Variants in TAF12 observed in about 807,000 individuals in gnomAD.
The protein encoded by TAF12 is transcription initiation factor TFIID subunit 12.
A neutral mutation model predicts 20.8 loss-of-function variants in TAF12; 3 were observed. The observed-to-expected ratio is 0.14, with a 90% CI of 0.07 to 0.37. TAF12 has a LOEUF of 0.37. Among genes scored for constraint, TAF12 ranks in the 10% least tolerant of loss-of-function variants. TAF12 has a pLI of 1.00. For synonymous variants in TAF12, 69 were observed against 70.2 expected (o/e 0.98, Z 0.09); for missense variants, 131 against 197.9 (o/e 0.66, Z 2.03).
intron 1 of TAF12, chr1:28,624,025 A>AG: frequency 1.0e-6 from 1 of 985,832 alleles, no homozygotes; most frequent in Non-Finnish European, 1.2e-6. Context: ...CATTTTCAAA[A>AG]GCTACCTGTA....
At chr1:28,645,443 A>G (rs1325597401), upstream of TAF12, among the ~76,000 whole-genome samples, 1 of 146,292 alleles carries the variant, frequency 6.8e-6, no homozygotes, top group Non-Finnish European at 1.5e-5. Context: ...AGGTCAGGAG[A>G]TAGAGATCAT....
chr1:28,632,707 C>T (rs917859845), intron 1 of TAF12, among the ~76,000 whole-genome samples: 1 of 151,750 alleles, frequency 6.6e-6, no homozygotes, highest in African/African-American at 2.4e-5. Context: ...GGCAGAGGAG[C>T]GTTTGACTAC....
At chr1:28,617,869 T>C in intron 3 of TAF12, 84 bp downstream of exon 3, 1 of 1,322,692 alleles carries the variant, frequency 7.6e-7, no homozygotes, top group Non-Finnish European at 1.1e-6. Flanking sequence ...CATGAGCCAC[T>C]GCATCTGGCC....
rs150119847 is a variant in TAF12, at chr1:28,618,022, G to C, written c.177C>G (p.Thr59=). ...RLSPENNQVL[T]KKKLQDLVRE... Reference sequence around the variant, plus strand: ...TTACTAAGTCCTGTAATTTCTTCTTGGTCAATACCTAAAGTTAATTGGAAG... The same window carrying C: ...TTACTAAGTCCTGTAATTTCTTCTTCGTCAATACCTAAAGTTAATTGGAAG... Residue 59 remains threonine (T), a synonymous_variant, in exon 3 of 6, where the codon ACC becomes ACG. Transcript: ENST00000373824. The C allele has an allele frequency of 1.8e-4, 283 of 1,612,602 alleles. No individual in the cohort carries two copies. The highest frequency in any genetic ancestry group is 2.3e-4 in the Non-Finnish European group (275 of 1,179,418).
At chr1:28,645,562 C>T (rs1410536384), upstream of TAF12, among the ~76,000 whole-genome samples, 4 of 151,878 alleles carry the variant, frequency 2.6e-5, no homozygotes, top group East Asian at 7.9e-4. Flanking sequence ...GAAGGAGAAT[C>T]GCTGGAACCC....
intron 4 of TAF12, among the ~76,000 whole-genome samples, chr1:28,610,103 G>C (rs1352063643): frequency 4.0e-5 from 6 of 151,254 alleles, no homozygotes; most frequent in Admixed American, 3.3e-4. Context: ...TCAGACTCCC[G>C]AGTAGCTAGG....
At position 28,609,979 on chromosome 1, in the gene TAF12, AT is replaced by A. The variant is rs962267398; in HGVS notation, c.361+3267del. On this transcript the variant is annotated intron_variant, in intron 4 of 5. Transcript: ENST00000373824. ...CTATGAATTTGTGTTGTGGGGGATT[AT>A]TTTTTTTTTCTTTTTTTTGGGACGG... Among the ~76,000 whole-genome samples the A allele has an allele frequency of 4.2e-3, 625 of 147,322 alleles. 3 individuals are homozygous for A. Among genetic ancestry groups the A allele is most frequent in the African/African-American group, 0.014 (563 of 40,188 alleles).
chr1:28,648,234 T>C (rs1668249329), exon 1 of TAF12: 4 of 984,442 alleles, frequency 4.1e-6, no homozygotes, highest in East Asian at 1.1e-4. Flanking sequence ...TCCAACGCCA[T>C]GAGACGCCTT....
chr1:28,621,976 C>A lies in TAF12; in HGVS notation c.106G>T (p.Ala36Ser), dbSNP rs1371295772. ...GGAGTGCCTGGTATCTTTACCACTG[C>A]AGTACTATTGGCCATGGAGCCTTGT... ...PPQGSMANST[A>S]VVKIPGTPGA... The change falls in exon 2 of 6, where the codon GCA (alanine) becomes TCA (serine). Residue 36 changes from alanine (A) to serine (S), a missense_variant. Physicochemically the swap from Ala to Ser is moderately conservative, Grantham distance 99 (BLOSUM62 1). Transcript: ENST00000373824. 1 of 1,614,038 alleles carries A rather than the reference C, an allele frequency of 6.2e-7. No homozygotes were observed. The highest frequency in any genetic ancestry group is 1.1e-5 in the South Asian group (1 of 91,064).
chr1:28,645,356 T>A (rs1002783857), upstream of TAF12, among the ~76,000 whole-genome samples: 1 of 150,010 alleles, frequency 6.7e-6, no homozygotes, highest in Non-Finnish European at 1.5e-5. Context: ...TTTTTTTTCT[T>A]TAAGAGATAA....
chr1:28,633,861 G>A (rs1252239003), intron 1 of TAF12, among the ~76,000 whole-genome samples: 1 of 148,482 alleles, frequency 6.7e-6, no homozygotes, highest in African/African-American at 2.5e-5. Context: ...CCGGTGAGCC[G>A]AGATTGTGCC....
intron 1 of TAF12, among the ~76,000 whole-genome samples, chr1:28,630,383 G>A (rs759502475): frequency 1.8e-4 from 28 of 151,758 alleles, no homozygotes; most frequent in Admixed American, 8.5e-4. Flanking sequence ...GGTGAAACCC[G>A]TCTCTACTAA....
rs536479244 is a variant in TAF12 at position 28,621,985 on chromosome 1, T to G, written c.97A>C (p.Asn33His). 1 of 1,614,148 alleles carries G rather than the reference T, an allele frequency of 6.2e-7. No homozygotes were observed. The highest frequency in any genetic ancestry group is 1.1e-5 in the South Asian group (1 of 91,080). Residue 33 changes from asparagine (N) to histidine (H), a missense_variant, in exon 2 of 6, where the codon AAT becomes CAT. Physicochemically the swap from Asn to His is moderately conservative, Grantham distance 68. Coordinates refer to ENST00000373824, the MANE Select transcript of TAF12 (RefSeq NM_005644.4). Reference protein sequence around the residue: ...ASTPPQGSMANSTAVVKIPGT... With the variant: ...ASTPPQGSMAHSTAVVKIPGT... ...GGTATCTTTACCACTGCAGTACTAT[T>G]GGCCATGGAGCCTTGTGGAGGGGTG...
At chr1:28,616,979 G>A (rs575484756) in intron 3 of TAF12, among the ~76,000 whole-genome samples, 1 of 151,952 alleles carries the variant, frequency 6.6e-6, no homozygotes, top group Non-Finnish European at 1.5e-5. Context: ...AATTAGCCAG[G>A]TGTGGTGGTG....
At chr1:28,643,109 C>G (rs1396513158), upstream of TAF12, 1 of 985,838 alleles carries the variant, frequency 1.0e-6, no homozygotes, top group East Asian at 1.1e-4. Context: ...CTCCCCGCCT[C>G]CAACCCGGAA....
chr1:28,637,076 T>A (rs1235571217), intron 1 of TAF12, among the ~76,000 whole-genome samples: 1 of 152,114 alleles, frequency 6.6e-6, no homozygotes, highest in Non-Finnish European at 1.5e-5. Context: ...TCTGTATGAC[T>A]TCAGAGATTA....
At chr1:28,613,574 C>T (rs1666934657) in intron 3 of TAF12, among the ~76,000 whole-genome samples, 4 of 152,236 alleles carry the variant, frequency 2.6e-5, no homozygotes, top group Admixed American at 2.6e-4. Context: ...TGAGCATATA[C>T]TTTCTACCCA....
chr1:28,622,149 G>A lies in TAF12; in HGVS notation c.-68C>T. ...ATCCTGTTTCTTTTTGGAGCTGTGA[G>A]GACCAAGGCCAATTAACTGGAGAAG... On this transcript the variant is annotated 5_prime_UTR_variant, in exon 2 of 6. Transcript: ENST00000373824. 6.5e-7 allele frequency: 1 copy of A among 1,528,454 alleles called. No individual in the cohort carries two copies. The highest frequency in any genetic ancestry group is 8.7e-7 in the Non-Finnish European group (1 of 1,144,544). The allele number at this position is 1,528,454 out of a possible 1,614,324, so 94.7% of individuals were successfully genotyped here.
At chr1:28,624,746 CA>C (rs34670084) in intron 1 of TAF12, among the ~76,000 whole-genome samples, 17 of 147,826 alleles carry the variant, frequency 1.2e-4, no homozygotes, top group African/African-American at 4.0e-4. Context: ...GACTCTGTCT[CA>C]AAAAAAAATA....
Sources: gnomAD v4.1 joint callset for allele counts (sites outside exome capture counted in the v4.1 genomes callset) on GRCh38, gnomAD v4.1.1 for gene constraint, MANE v1.5 for transcripts, NCBI Gene and HGNC (gene_info 2026-07-23, HGNC 2026-07-21) for gene names.